The following IQCJ variants were observed in gnomAD, a reference collection of about 807,000 sequenced individuals.
IQCJ encodes the protein IQ domain-containing protein J.
In IQCJ, 9 loss-of-function variants were observed where a neutral mutation model predicts 11.0. The ratio of observed to expected loss-of-function variants is 0.82; its 90% CI spans 0.49 to 1.43. IQCJ has a LOEUF of 1.43. Among genes scored for constraint, IQCJ ranks in the 40% most tolerant of loss-of-function variants. The pLI, the probability that IQCJ is intolerant of heterozygous loss-of-function variation, is 0.00. For missense variants in IQCJ, 146 were observed against 133.2 expected, an observed-to-expected ratio of 1.10 and a Z score of -0.47; for synonymous variants, 55 against 51.3, an observed-to-expected ratio of 1.07 and a Z score of -0.31.
intron 2 of IQCJ, among the ~76,000 whole-genome samples, chr3:159,246,668 G>A (rs1377091978): frequency 6.6e-6 from 1 of 152,154 alleles, no homozygotes; most frequent in Non-Finnish European, 1.5e-5. Flanking sequence ...ATTGCCAAGA[G>A]TATTAGAAGA....
intron 1 of IQCJ, among the ~76,000 whole-genome samples, chr3:159,127,798 G>A (rs1440409740): frequency 6.6e-6 from 1 of 152,164 alleles, no homozygotes; most frequent in Non-Finnish European, 1.5e-5. Context: ...AACTCAGTGG[G>A]AATGACACTT....
intron 1 of IQCJ, among the ~76,000 whole-genome samples, chr3:159,235,972 G>A (rs940624277): frequency 6.6e-6 from 1 of 152,142 alleles, no homozygotes; most frequent in East Asian, 1.9e-4. Flanking sequence ...CTCACTCAGT[G>A]ATTACTGCTG....
intron 1 of IQCJ, among the ~76,000 whole-genome samples, chr3:159,114,674 A>G (rs1262283756): frequency 1.3e-5 from 2 of 152,050 alleles, no homozygotes; most frequent in East Asian, 1.9e-4. Context: ...TCTCAACCTA[A>G]TGAAAATGGA....
chr3:159,188,206 T>C (rs1723484328), intron 1 of IQCJ, among the ~76,000 whole-genome samples: 1 of 152,074 alleles, frequency 6.6e-6, no homozygotes, highest in Admixed American at 6.5e-5. Flanking sequence ...AGGTCAGCAG[T>C]TCGAGATCAG....
At chr3:159,135,525 T>C (rs554517211) in intron 1 of IQCJ, among the ~76,000 whole-genome samples, 1 of 152,290 alleles carries the variant, frequency 6.6e-6, no homozygotes, top group East Asian at 1.9e-4. Flanking sequence ...TCTCTCAAAA[T>C]ACAGTGATGC....
chr3:159,092,118 A>G (rs1237173065), intron 1 of IQCJ, among the ~76,000 whole-genome samples: 1 of 151,862 alleles, frequency 6.6e-6, no homozygotes, highest in Non-Finnish European at 1.5e-5. Context: ...CCAACCTAGC[A>G]TCACCAAGAG....
At chr3:159,160,137 C>A (rs1721752897) in intron 1 of IQCJ, among the ~76,000 whole-genome samples, 1 of 152,058 alleles carries the variant, frequency 6.6e-6, no homozygotes, top group Non-Finnish European at 1.5e-5. Flanking sequence ...TTCTATTTTC[C>A]TTTCTTCTGG....
At chr3:159,204,522 C>T (rs1394249082) in intron 1 of IQCJ, among the ~76,000 whole-genome samples, 1 of 152,220 alleles carries the variant, frequency 6.6e-6, no homozygotes, top group Non-Finnish European at 1.5e-5. Context: ...AGAGCCAGTG[C>T]TCCAAAAGAC....
chr3:159,214,591 G>A (rs746632775), intron 1 of IQCJ, among the ~76,000 whole-genome samples: 11 of 152,118 alleles, frequency 7.2e-5, no homozygotes, highest in Non-Finnish European at 1.5e-4. Flanking sequence ...TGTGGCCCAG[G>A]GCAGGATGCT....
chr3:159,169,633 A>G (rs1221416378), intron 1 of IQCJ, among the ~76,000 whole-genome samples: 11 of 152,134 alleles, frequency 7.2e-5, no homozygotes, highest in Non-Finnish European at 1.5e-5. Context: ...GCAAGTTACC[A>G]GAATAAAAAT....
intron 1 of IQCJ, among the ~76,000 whole-genome samples, chr3:159,074,102 C>T (rs974155): frequency 0.19 from 29,294 of 151,868 alleles, 3,497 homozygotes; most frequent in South Asian, 0.35. Context: ...CGAAGAACTG[C>T]GGTCATGGAG....
At chr3:159,181,493 A>C (rs1220093730) in intron 1 of IQCJ, among the ~76,000 whole-genome samples, 1 of 150,050 alleles carries the variant, frequency 6.7e-6, no homozygotes, top group Non-Finnish European at 1.5e-5. Context: ...ACCTGAACTG[A>C]ACTTTAGGCT....
chr3:159,216,533 C>T (rs922688858), intron 1 of IQCJ, among the ~76,000 whole-genome samples: 2 of 152,116 alleles, frequency 1.3e-5, no homozygotes, highest in Admixed American at 6.6e-5. Context: ...GCCCCCTTAT[C>T]ACTGTACCCT....
chr3:159,112,324 G>A (rs977083316), intron 1 of IQCJ, among the ~76,000 whole-genome samples: 2 of 151,638 alleles, frequency 1.3e-5, no homozygotes, highest in African/African-American at 4.9e-5. Context: ...CCATAAAATT[G>A]GATTTTTTTT....
intron 1 of IQCJ, among the ~76,000 whole-genome samples, chr3:159,219,356 G>A (rs563700646): frequency 6.6e-6 from 1 of 152,182 alleles, no homozygotes; most frequent in South Asian, 2.1e-4. Flanking sequence ...GAAGGATGGA[G>A]GGAAGTCTTC....
intron 1 of IQCJ, among the ~76,000 whole-genome samples, chr3:159,151,696 C>T (rs1577043518): frequency 6.6e-6 from 1 of 152,184 alleles, no homozygotes; most frequent in South Asian, 2.1e-4. Context: ...AGTGCAGTGG[C>T]GCTATATTGG....
chr3:159,079,568 T>C (rs997282646), intron 1 of IQCJ, among the ~76,000 whole-genome samples: 1 of 152,156 alleles, frequency 6.6e-6, no homozygotes, highest in African/African-American at 2.4e-5. Context: ...ATAAAAATCC[T>C]TAGAAGCATT....
intron 1 of IQCJ, among the ~76,000 whole-genome samples, chr3:159,199,439 A>G (rs962957363): frequency 3.9e-5 from 6 of 152,230 alleles, no homozygotes; most frequent in African/African-American, 1.2e-4. Flanking sequence ...GGAGAAACAG[A>G]GACGCTTAAT....
At chr3:159,083,733 T>G (rs1167148499) in intron 1 of IQCJ, among the ~76,000 whole-genome samples, 1 of 152,184 alleles carries the variant, frequency 6.6e-6, no homozygotes, top group African/African-American at 2.4e-5. Flanking sequence ...TGTGACTGGT[T>G]AGTCAAACTG....
Sources: gnomAD v4.1 joint callset for allele counts (sites outside exome capture counted in the v4.1 genomes callset) on GRCh38, gnomAD v4.1.1 for gene constraint, MANE v1.5 for transcripts, NCBI Gene and HGNC (gene_info 2026-07-23, HGNC 2026-07-21) for gene names.